Variants in CYP4F12 observed in about 807,000 individuals in gnomAD.
The protein encoded by CYP4F12 is cytochrome P450 family 4 subfamily F member 12.
CYP4F12 carries 60 observed loss-of-function variants against 56.5 expected under a neutral mutation model. The ratio of observed to expected loss-of-function variants is 1.06; its 90% CI spans 0.86 to 1.32. The LOEUF is 1.32. CYP4F12 is among the 40% of genes most tolerant of loss of function. CYP4F12 has a pLI of 0.00. For missense variants in CYP4F12, 711 were observed against 683.5 expected (o/e 1.04, Z -0.45); for synonymous variants, 263 against 264.9 (o/e 0.99, Z 0.07).
chr19:15,675,115 C>T (rs62104457), intron 2 of CYP4F12, among the ~76,000 whole-genome samples: 140,803 of 151,842 alleles, frequency 0.93, 65,348 homozygotes, highest in East Asian at 1. Context: ...TGCTCTTCCC[C>T]AGTAAGATGT....
intron 5 of CYP4F12, chr19:15,681,475 A>G (rs1408136582): frequency 6.6e-6 from 1 of 152,234 alleles, no homozygotes; most frequent in African/African-American, 2.4e-5. Flanking sequence ...TCATGGCACA[A>G]TAAGCAACAT....
chr19:15,682,210 C>G, intron 5 of CYP4F12, 179 bp from the exon 6 acceptor site: 2 of 724,658 alleles, frequency 2.8e-6, no homozygotes, highest in African/African-American at 1.8e-5. Flanking sequence ...AGCCATGGGT[C>G]TTCATCTCCT....
chr19:15,685,102 C>T lies in CYP4F12; in HGVS notation c.1020C>T (p.Val340=), dbSNP rs1313773636. The T allele has an allele frequency of 1.2e-6, 2 of 1,614,186 alleles. No homozygotes were observed. The highest frequency in any genetic ancestry group is 1.7e-6 in the Non-Finnish European group (2 of 1,180,022). The change falls in exon 9 of 13, where the codon GTC becomes GTT. Residue 340 remains valine (V), a synonymous_variant. Coordinates refer to ENST00000550308, the MANE Select transcript of CYP4F12 (RefSeq NM_023944.4). The part of the protein sequence containing the change: ...HDTTASGLSW[V]LYNLARHPEY... ...CCACGGCCAGTGGCCTCTCCTGGGTCCTGTACAACCTTGCGAGGCACCCAG... is the reference window on the plus strand; with the variant it reads ...CCACGGCCAGTGGCCTCTCCTGGGTTCTGTACAACCTTGCGAGGCACCCAG...
chr19:15,687,548 C>T (rs1354152351), intron 9 of CYP4F12, among the ~76,000 whole-genome samples: 1 of 152,188 alleles, frequency 6.6e-6, no homozygotes, highest in African/African-American at 2.4e-5. Context: ...CAAGAAACAA[C>T]ACAGGGACTT....
chr19:15,689,026 G>A lies in CYP4F12; in HGVS notation c.1115+3829G>A, dbSNP rs554858249. Among the ~76,000 whole-genome samples, 12 of 152,108 alleles carry A rather than the reference G, an allele frequency of 7.9e-5. 1 individual carries two copies. Among genetic ancestry groups the A allele is most frequent in the South Asian group, 4.1e-4 (2 of 4,822 alleles). ...CTTGGAAAAACTCTTTTGGACATTG[G>A]CCTAGGCAAAGAATTCGTGACCAAG... On this transcript the variant is annotated intron_variant, in intron 9 of 12. Transcript: ENST00000550308.
intron 3 of CYP4F12, 153 bp downstream of exon 3, chr19:15,678,558 GTT>G: frequency 9.1e-7 from 1 of 1,100,978 alleles, no homozygotes; most frequent in Non-Finnish European, 1.3e-6. Context: ...CTGTCTTGGT[GTT>G]CTGGGCACCA....
chr19:15,697,033 C>A lies in CYP4F12; in HGVS notation c.1523C>A (p.Ala508Asp). ...PRRKLELIMR[A>D]EGGLWLRVEP... ...AGGAAGCTGGAATTGATCATGCGCG[C>A]CGAGGGCGGGCTTTGGCTGCGGGTG... Residue 508 changes from alanine to aspartate, a missense_variant, in exon 13 of 13, where the codon GCC (alanine) becomes GAC (aspartate). Physicochemically the swap from Ala to Asp is moderately radical, Grantham distance 126 (BLOSUM62 -2). Coordinates refer to ENST00000550308, the MANE Select transcript of CYP4F12 (RefSeq NM_023944.4). 6.2e-7 allele frequency: 1 copy of A among 1,614,160 alleles called. No homozygotes were observed.
chr19:15,673,424 C>T, intron 1 of CYP4F12, 105 bp from the exon 2 acceptor site: 1 of 1,327,076 alleles, frequency 7.5e-7, no homozygotes, highest in East Asian at 2.3e-5. Flanking sequence ...CCCCTGAGCC[C>T]TCCCTGCCCT....
Position 15,696,425 on chromosome 19 carries a change from T to G in CYP4F12, c.1315-5T>G. On this transcript the variant is annotated splice_polypyrimidine_tract_variant and splice_region_variant and intron_variant, in intron 11 of 12. Transcript: ENST00000550308. The stretch of plus-strand genomic sequence containing the variant: ...ACTGGCAAACCTTCTTTGTCTCACC[T>G]GCAGGTCTACGACCCCTTCCGCTTT... 1 of 1,614,160 alleles carries G rather than the reference T, an allele frequency of 6.2e-7. No individual in the cohort carries two copies. Among genetic ancestry groups the G allele is most frequent in the South Asian group, 1.1e-5 (1 of 91,080 alleles).
intron 8 of CYP4F12, 24 bp downstream of exon 8, chr19:15,684,906 C>G: frequency 6.3e-7 from 1 of 1,586,332 alleles, no homozygotes; most frequent in Non-Finnish European, 8.6e-7. Context: ...TGTGGGACTA[C>G]AGTGGAGACA....
intron 9 of CYP4F12, among the ~76,000 whole-genome samples, chr19:15,694,944 C>T (rs1427543943): frequency 2.6e-5 from 4 of 152,264 alleles, no homozygotes; most frequent in South Asian, 4.1e-4. Context: ...GTCAGTGTGG[C>T]GATTCCTCAG....
At chr19:15,691,308 G>T (rs2007856911) in intron 9 of CYP4F12, among the ~76,000 whole-genome samples, 1 of 152,208 alleles carries the variant, frequency 6.6e-6, no homozygotes, top group Admixed American at 6.5e-5. Flanking sequence ...ATCGGCATGT[G>T]TGTACAGTGA....
At position 15,696,035 on chromosome 19, in the gene CYP4F12, C is replaced by G. The variant is rs2008118034; in HGVS notation, c.1215C>G (p.Asp405Glu). 16 of 1,614,048 alleles carry G rather than the reference C, an allele frequency of 9.9e-6. No individual in the cohort carries two copies. The highest frequency in any genetic ancestry group is 1.7e-4 in the Middle Eastern group (1 of 6,060). Residue 405 changes from aspartate to glutamate, a missense_variant, in exon 10 of 13, where the codon GAC (aspartate) becomes GAG (glutamate). Asp to Glu is a conservative substitution (Grantham distance 45, BLOSUM62 2). Coordinates refer to ENST00000550308, the MANE Select transcript of CYP4F12 (RefSeq NM_023944.4). ...TCATCTCCCGATGCTGCACCCAGGA[C>G]ATTGTTCTCCCAGATGGCCGAGTCA... Reference protein sequence around the residue: ...APFISRCCTQDIVLPDGRVIP... With the variant: ...APFISRCCTQEIVLPDGRVIP...
intron 2 of CYP4F12, among the ~76,000 whole-genome samples, chr19:15,675,838 C>T (rs1374526788): frequency 4.6e-5 from 7 of 152,264 alleles, no homozygotes; most frequent in African/African-American, 7.2e-5. Context: ...TCCCTAGAAA[C>T]GGAATCTCCT....
Position 15,683,562 on chromosome 19 carries a change from C to A in CYP4F12, c.717C>A (p.Ile239=), listed in dbSNP as rs144984606. 2.5e-6 allele frequency: 4 copies of A among 1,614,034 alleles called. No homozygotes were observed. Among genetic ancestry groups the A allele is most frequent in the South Asian group, 2.2e-5 (2 of 91,070 alleles). The change falls in exon 7 of 13, where the codon ATC becomes ATA. Residue 239 remains isoleucine, a synonymous_variant. Coordinates refer to ENST00000550308, the MANE Select transcript of CYP4F12 (RefSeq NM_023944.4). ...TTGTAGAGAAAAGAAGCCAGCATAT[C>A]CTCCAGCACATGGACTTTCTGTATT... ...SALVEKRSQH[I]LQHMDFLYYL...
At chr19:15,673,440 C>T in intron 1 of CYP4F12, 89 bp from the exon 2 acceptor site, 1 of 1,432,098 alleles carries the variant, frequency 7.0e-7, no homozygotes, top group East Asian at 2.3e-5. Flanking sequence ...GCCCTGCCCC[C>T]AGCAGTTCCT....
At chr19:15,693,637 T>C (rs1233589875) in intron 9 of CYP4F12, among the ~76,000 whole-genome samples, 2 of 150,162 alleles carry the variant, frequency 1.3e-5, no homozygotes, top group African/African-American at 4.9e-5. Flanking sequence ...ATTTTGTACG[T>C]TGCCTGTTCA....
rs376401980 is a variant in CYP4F12 at position 15,697,033 on chromosome 19, C to G, written c.1523C>G (p.Ala508Gly). The part of the protein sequence containing the change: ...PRRKLELIMR[A>G]EGGLWLRVEP... Reference sequence around the variant, plus strand: ...AGGAAGCTGGAATTGATCATGCGCGCCGAGGGCGGGCTTTGGCTGCGGGTG... The same window carrying G: ...AGGAAGCTGGAATTGATCATGCGCGGCGAGGGCGGGCTTTGGCTGCGGGTG... Residue 508 changes from alanine to glycine, a missense_variant, in exon 13 of 13, where the codon GCC (alanine) becomes GGC (glycine). Ala to Gly is a moderately conservative substitution (Grantham distance 60). Coordinates refer to ENST00000550308, the MANE Select transcript of CYP4F12 (RefSeq NM_023944.4). 13 of 1,614,042 alleles carry G rather than the reference C, an allele frequency of 8.1e-6. No homozygotes were observed. The highest frequency in any genetic ancestry group is 9.3e-6 in the Non-Finnish European group (11 of 1,179,976).
chr19:15,676,307 C>T (rs953074512), intron 2 of CYP4F12, among the ~76,000 whole-genome samples: 2 of 150,538 alleles, frequency 1.3e-5, no homozygotes, highest in Non-Finnish European at 3.0e-5. Flanking sequence ...TTACTCATTC[C>T]TGTGCCCATT....
Sources: allele counts gnomAD v4.1 joint callset (sites outside exome capture counted in the v4.1 genomes callset), GRCh38; gene constraint gnomAD v4.1.1; transcripts MANE v1.5; gene names NCBI Gene and HGNC (gene_info 2026-07-23, HGNC 2026-07-21).